DDX60: variants seen among roughly 807,000 people sequenced by gnomAD.
DDX60 encodes probable ATP-dependent RNA helicase DDX60.
In DDX60, 165 loss-of-function variants were observed where a neutral mutation model predicts 212.8. The ratio of observed to expected loss-of-function variants is 0.78; its 90% CI spans 0.68 to 0.88. DDX60 has a LOEUF of 0.88. Among genes scored for constraint, DDX60 ranks in the 40% least tolerant of loss-of-function variants. The pLI is 0.00. For missense variants in DDX60, 1,905 were observed against 2,003.9 expected (o/e 0.95, Z 0.94); for synonymous variants, 703 against 685.3 (o/e 1.03, Z -0.40).
At chr4:168,273,845 T>A in intron 17 of DDX60, 89 bp downstream of exon 17, 3 of 1,453,056 alleles carry the variant, frequency 2.1e-6, no homozygotes, top group Non-Finnish European at 2.8e-6. Flanking sequence ...AAAAATAAAG[T>A]GAACTAGATC....
chr4:168,220,559 CT>C, intron 37 of DDX60, 95 bp downstream of exon 37: 1 of 699,442 alleles, frequency 1.4e-6, no homozygotes, highest in Non-Finnish European at 2.3e-6. Context: ...TTAATGGCAC[CT>C]TCATGTACCT....
At chr4:168,248,149 T>C (rs1251126567) in intron 29 of DDX60, 39 bp downstream of exon 29, 2 of 1,393,982 alleles carry the variant, frequency 1.4e-6, no homozygotes, top group African/African-American at 2.9e-5. Context: ...TGGCCATATT[T>C]CAGCAATACA....
chr4:168,301,805 T>C (rs956591501), intron 6 of DDX60, among the ~76,000 whole-genome samples: 4 of 152,318 alleles, frequency 2.6e-5, no homozygotes, highest in Admixed American at 6.5e-5. Context: ...AAAGGGAAGA[T>C]AGTAACTTCA....
At chr4:168,295,092 G>A (rs576361400) in intron 6 of DDX60, among the ~76,000 whole-genome samples, 1 of 152,300 alleles carries the variant, frequency 6.6e-6, no homozygotes, top group South Asian at 2.1e-4. Flanking sequence ...AAGTGTCAGA[G>A]AGGAAGCAGA....
intron 30 of DDX60, among the ~76,000 whole-genome samples, chr4:168,245,938 T>C (rs12500276): frequency 0.058 from 8,871 of 152,258 alleles, 447 homozygotes; most frequent in East Asian, 0.15. Context: ...AATGTGAATG[T>C]CTTTGGGGAG....
chr4:168,217,950 A>T (rs1276885864), intron 37 of DDX60, among the ~76,000 whole-genome samples: 1 of 152,192 alleles, frequency 6.6e-6, no homozygotes, highest in Admixed American at 6.5e-5. Context: ...GGTTTAAGCC[A>T]CTAGGTTTGT....
chr4:168,282,875 T>C (rs1735654055), intron 13 of DDX60, among the ~76,000 whole-genome samples: 1 of 152,102 alleles, frequency 6.6e-6, no homozygotes, highest in Admixed American at 6.5e-5. Context: ...CTTTCCTTAT[T>C]TACTCCTTGT....
intron 33 of DDX60, among the ~76,000 whole-genome samples, chr4:168,234,157 T>C (rs964898472): frequency 1.3e-5 from 2 of 152,126 alleles, no homozygotes; most frequent in Non-Finnish European, 2.9e-5. Flanking sequence ...TGATTTTCTC[T>C]TTGTGCTTTT....
intron 37 of DDX60, among the ~76,000 whole-genome samples, chr4:168,217,786 CGGCAGCCTCTAAAA>C: frequency 6.6e-6 from 1 of 152,124 alleles, no homozygotes; most frequent in South Asian, 2.1e-4. Context: ...CAAGGAATGC[CGGCAGCCTCTAAAA>C]GTTGGAAAAG....
chr4:168,259,583 C>T (rs1016252363), intron 25 of DDX60, among the ~76,000 whole-genome samples: 41 of 151,700 alleles, frequency 2.7e-4, no homozygotes, highest in Non-Finnish European at 1.0e-4. Flanking sequence ...CTAACAAAGA[C>T]TCTGGATTTA....
rs749549878 is a variant in DDX60, at chr4:168,221,893, C to T, written c.4825-12G>A. Reference sequence around the variant, plus strand: ...GTGCCTAGAGTAACCTGAAAAAATACGATTATTCTTAATGTATTATTTATG... The same window carrying T: ...GTGCCTAGAGTAACCTGAAAAAATATGATTATTCTTAATGTATTATTTATG... On this transcript the variant is annotated splice_polypyrimidine_tract_variant and intron_variant, in intron 35 of 37. Coordinates refer to ENST00000393743, the MANE Select transcript of DDX60 (RefSeq NM_017631.6). 19 of 1,602,468 alleles carry T rather than the reference C, an allele frequency of 1.2e-5. No individual in the cohort carries two copies. The highest frequency in any genetic ancestry group is 3.4e-5 in the Admixed American group (2 of 59,572).
chr4:168,241,685 G>A (rs1239778473), intron 30 of DDX60, among the ~76,000 whole-genome samples: 1 of 152,118 alleles, frequency 6.6e-6, no homozygotes, highest in Non-Finnish European at 1.5e-5. Flanking sequence ...TGCTGTTAAA[G>A]GCATTCCGTT....
Position 168,262,048 on chromosome 4 carries a change from ACT to A in DDX60, c.3223_3224del (p.Leu1076LysfsTer9). ...KKMDARKYEESLKAELTSWIK... is the reference protein window; with the variant it reads ...KKMDARKYEEXLKAELTSWIK... ...TCCAACTTGTTAATTCTGCCTTTAG[ACT>A]CTCTTCATATTTCCTAGCATCCATC... On this transcript the variant is annotated frameshift_variant, in exon 24 of 38. Coordinates refer to ENST00000393743, the MANE Select transcript of DDX60 (RefSeq NM_017631.6). LOFTEE classifies it high-confidence loss of function. The A allele has an allele frequency of 6.2e-7, 1 of 1,601,420 alleles. No homozygotes were observed. The highest frequency in any genetic ancestry group is 8.5e-7 in the Non-Finnish European group (1 of 1,175,910).
At chr4:168,294,258 C>T (rs1736243684) in intron 6 of DDX60, among the ~76,000 whole-genome samples, 2 of 152,012 alleles carry the variant, frequency 1.3e-5, no homozygotes, top group Admixed American at 1.3e-4. Flanking sequence ...CAAAAAGCAA[C>T]TCAAAATGGA....
Position 168,224,311 on chromosome 4 carries a change from T to C in DDX60, c.4756A>G (p.Ile1586Val), listed in dbSNP as rs1733171909. The C allele has an allele frequency of 6.2e-7, 1 of 1,612,284 alleles. No individual in the cohort carries two copies. Among genetic ancestry groups the C allele is most frequent in the African/African-American group, 1.3e-5 (1 of 74,810 alleles). ...CCAGACAGACAAACAAATGGTGAAATTGCTACTCTTCCTTCCTTGCAGCTC... is the reference window on the plus strand; with the variant it reads ...CCAGACAGACAAACAAATGGTGAAACTGCTACTCTTCCTTCCTTGCAGCTC... Reference protein sequence around the residue: ...LMSCKEGRVAISPFVCLSGNF... With the variant: ...LMSCKEGRVAVSPFVCLSGNF... The change falls in exon 35 of 38, where the codon ATT becomes GTT. Residue 1586 changes from isoleucine (I) to valine (V), a missense_variant. Coordinates refer to ENST00000393743, the MANE Select transcript of DDX60 (RefSeq NM_017631.6).
intron 14 of DDX60, among the ~76,000 whole-genome samples, chr4:168,277,417 A>G (rs965278581): frequency 3.9e-5 from 6 of 152,154 alleles, no homozygotes; most frequent in Non-Finnish European, 7.4e-5. Context: ...GAAGGTGCTT[A>G]TGGATGTGCT....
chr4:168,243,001 T>C (rs1444289111), intron 30 of DDX60, among the ~76,000 whole-genome samples: 1 of 152,182 alleles, frequency 6.6e-6, no homozygotes, highest in Non-Finnish European at 1.5e-5. Flanking sequence ...TATTATGAGA[T>C]CTGATGCTTT....
chr4:168,277,941 A>T (rs372924242), intron 14 of DDX60, among the ~76,000 whole-genome samples: 1 of 152,152 alleles, frequency 6.6e-6, no homozygotes, highest in Non-Finnish European at 1.5e-5. Context: ...CAGGACATGA[A>T]TCCTTCCTTT....
upstream of DDX60, among the ~76,000 whole-genome samples, chr4:168,321,579 T>C (rs1203046727): frequency 6.6e-6 from 1 of 152,318 alleles, no homozygotes; most frequent in East Asian, 1.9e-4. Flanking sequence ...TTCTCAAGTC[T>C]TTTAAATGAT....
Sources: allele counts gnomAD v4.1 joint callset (sites outside exome capture counted in the v4.1 genomes callset), GRCh38; gene constraint gnomAD v4.1.1; transcripts MANE v1.5; gene names NCBI Gene and HGNC (gene_info 2026-07-23, HGNC 2026-07-21).